ANO4: variants seen among roughly 807,000 people sequenced by gnomAD.
ANO4 encodes anoctamin 4, also known as anoctamin-4.
In ANO4, 69 loss-of-function variants were observed where a neutral mutation model predicts 141.9. The ratio of observed to expected loss-of-function variants is 0.49; its 90% confidence interval spans 0.40 to 0.59. The LOEUF is 0.59. Ranked by LOEUF, ANO4 falls within the 20% of genes least tolerant of loss-of-function variation. ANO4 has a pLI of 0.00. For missense variants in ANO4, 894 were observed against 1,162.2 expected, an observed-to-expected ratio of 0.77 and a Z score of 3.36; for synonymous variants, 350 against 394.3, an observed-to-expected ratio of 0.89 and a Z score of 1.33.
intron 8 of ANO4, among the ~76,000 whole-genome samples, chr12:100,992,137 C>T (rs376542695): frequency 1.2e-4 from 19 of 152,292 alleles, no homozygotes; most frequent in African/African-American, 4.1e-4. Flanking sequence ...AACAGGTCTC[C>T]CTGGTTTTAC....
chr12:100,861,051 G>A (rs10860649), intron 1 of ANO4, among the ~76,000 whole-genome samples: 27,681 of 152,154 alleles, frequency 0.18, 2,970 homozygotes, highest in Middle Eastern at 0.3. Flanking sequence ...GAGAGTTGCC[G>A]CTGCTGGCTT....
chr12:101,110,403 G>T lies in ANO4; in HGVS notation c.2150-1G>T, dbSNP rs1404143494. 4.4e-6 allele frequency: 7 copies of T among 1,597,648 alleles called. No homozygotes were observed. In the Admixed American group the frequency reaches 7.1e-5, roughly 16 times the overall value. ...GCTCTTTTTCCTTTTTTCTTTTCTA[G>T]TTCTTCAGTTTGGATTCACAACTAT... On this transcript the variant is annotated splice_acceptor_variant, in intron 22 of 27. Coordinates refer to ENST00000392977, the MANE Select transcript of ANO4 (RefSeq NM_001286615.2). LOFTEE classifies it high-confidence loss of function.
At chr12:100,879,269 A>G (rs2135950845) in intron 1 of ANO4, among the ~76,000 whole-genome samples, 1 of 152,266 alleles carries the variant, frequency 6.6e-6, no homozygotes, top group South Asian at 2.1e-4. Flanking sequence ...TAGCTTTTTT[A>G]TTTTATATAA....
chr12:100,925,830 T>C (rs1264793779), intron 3 of ANO4, among the ~76,000 whole-genome samples: 1 of 144,814 alleles, frequency 6.9e-6, no homozygotes, highest in African/African-American at 2.5e-5. Context: ...CATACATATA[T>C]ATACATACAT....
rs930988080 is a variant in ANO4 at position 101,066,742 on chromosome 12, A to G, written c.1313-12451A>G. 14 of 856,592 alleles carry G rather than the reference A, an allele frequency of 1.6e-5. No individual in the cohort carries two copies. In the African/African-American group the frequency reaches 2.0e-4, roughly 12 times the overall value. 53.1% of individuals were successfully genotyped at this position (856,592 alleles called of 1,614,324 possible). ...TTGAGTCCTGCGTTGCCATGGCCAC[A>G]GTTCCTGAGTTGCTGCAGCAGCAGG... is the stretch of plus-strand genomic sequence containing the variant. On this transcript the variant is annotated intron_variant, in intron 14 of 27. Transcript: ENST00000392977.
chr12:100,923,364 C>T (rs1371206718), intron 3 of ANO4, among the ~76,000 whole-genome samples: 1 of 149,694 alleles, frequency 6.7e-6, no homozygotes, highest in Non-Finnish European at 1.5e-5. Context: ...TCATTTCCCA[C>T]CTATGAGTGA....
upstream of ANO4, among the ~76,000 whole-genome samples, chr12:100,790,485 T>TACTG (rs567899048): frequency 1.1e-4 from 17 of 152,320 alleles, no homozygotes; most frequent in South Asian, 3.3e-3. Flanking sequence ...AAGACTTAAG[T>TACTG]ACTGATTGGA....
At chr12:100,989,038 G>A (rs2044912874) in intron 8 of ANO4, among the ~76,000 whole-genome samples, 1 of 152,122 alleles carries the variant, frequency 6.6e-6, no homozygotes, top group South Asian at 2.1e-4. Context: ...TCAAAGAATA[G>A]ATGTTCTGAA....
In ANO4 at chr12:100,982,591, G is replaced by A. The variant is rs544854599; in HGVS notation, c.603-4948G>A. Among the ~76,000 whole-genome samples the A allele has an allele frequency of 3.3e-5, 5 of 152,146 alleles. No homozygotes were observed. In the South Asian group the frequency reaches 8.3e-4, roughly 25 times the overall value. On this transcript the variant is annotated intron_variant, in intron 7 of 27. Transcript: ENST00000392977. The stretch of plus-strand genomic sequence containing the variant: ...TCGTCCTAGAAACTATCACTCAATC[G>A]AGCCCTTTGTGCATCCAAGGCATTG...
At chr12:100,720,340 A>G (rs2030807520) in intron 1 of ANO4, among the ~76,000 whole-genome samples, 1 of 152,104 alleles carries the variant, frequency 6.6e-6, no homozygotes. Flanking sequence ...AAACTTAAGC[A>G]GAGAACTAAA....
In ANO4 at chr12:100,968,475, A is replaced by G. The variant is rs183841693; in HGVS notation, c.457-2831A>G. ...AATTCAGTGACTCTATCACATTTCCATATAGTGTCTTCGGTGTTGCCCAAT... is the reference window on the plus strand; with the variant it reads ...AATTCAGTGACTCTATCACATTTCCGTATAGTGTCTTCGGTGTTGCCCAAT... On this transcript the variant is annotated intron_variant, in intron 5 of 27. Coordinates refer to ENST00000392977, the MANE Select transcript of ANO4 (RefSeq NM_001286615.2). Among the ~76,000 whole-genome samples the G allele has an allele frequency of 3.2e-3, 482 of 152,298 alleles. 5 individuals are homozygous for G. Among genetic ancestry groups the G allele is most frequent in the African/African-American group, 0.01 (427 of 41,582 alleles).
At chr12:101,035,149 G>A (rs2047143775) in intron 9 of ANO4, among the ~76,000 whole-genome samples, 1 of 152,090 alleles carries the variant, frequency 6.6e-6, no homozygotes, top group East Asian at 1.9e-4. Flanking sequence ...GGACCCAAAT[G>A]TCTATCATCA....
chr12:101,054,408 T>C (rs2048012066), intron 14 of ANO4, among the ~76,000 whole-genome samples: 1 of 152,226 alleles, frequency 6.6e-6, no homozygotes, highest in Admixed American at 6.5e-5. Context: ...TTATGTGCAA[T>C]AAAATCCAGC....
chr12:100,797,122 A>ATG (rs746327406), intron 1 of ANO4, among the ~76,000 whole-genome samples: 52 of 125,618 alleles, frequency 4.1e-4, no homozygotes, highest in Admixed American at 7.5e-4. Flanking sequence ...GTTTATATAT[A>ATG]TGTGTGTGTA....
intron 1 of ANO4, among the ~76,000 whole-genome samples, chr12:100,878,884 C>T (rs1379558451): frequency 6.6e-6 from 1 of 152,110 alleles, no homozygotes; most frequent in Non-Finnish European, 1.5e-5. Flanking sequence ...ATTCACCAGT[C>T]AATATTTATT....
At chr12:100,944,554 C>T (rs1283195196) in intron 5 of ANO4, among the ~76,000 whole-genome samples, 1 of 151,952 alleles carries the variant, frequency 6.6e-6, no homozygotes, top group East Asian at 1.9e-4. Flanking sequence ...TCCTTTCCTC[C>T]ACAATCTTTT....
intron 8 of ANO4, among the ~76,000 whole-genome samples, chr12:100,998,510 A>G (rs989110873): frequency 2.0e-5 from 3 of 152,202 alleles, no homozygotes; most frequent in Non-Finnish European, 2.9e-5. Context: ...TTCTTTAAAA[A>G]CTAAATTTGA....
intron 3 of ANO4, among the ~76,000 whole-genome samples, chr12:100,745,500 T>A (rs1008634836): frequency 1.3e-5 from 2 of 152,216 alleles, no homozygotes; most frequent in African/African-American, 4.8e-5. Context: ...AGTGCAGAGC[T>A]TGGCATGTAA....
chr12:100,934,137 A>G (rs2042194929), intron 3 of ANO4, among the ~76,000 whole-genome samples: 1 of 151,946 alleles, frequency 6.6e-6, no homozygotes, highest in Admixed American at 6.6e-5. Context: ...TTTTGTTGCC[A>G]TTGCTTTTGG....
Sources: allele counts gnomAD v4.1 joint callset (sites outside exome capture counted in the v4.1 genomes callset), GRCh38; gene constraint gnomAD v4.1.1; transcripts MANE v1.5; gene names NCBI Gene and HGNC (gene_info 2026-07-23, HGNC 2026-07-21).